Variants in SYT14 observed in about 807,000 individuals in gnomAD.
SYT14 encodes synaptotagmin-14.
In SYT14, 32 loss-of-function variants were observed where a neutral mutation model predicts 74.2. The observed-to-expected ratio is 0.43, with a 90% CI of 0.33 to 0.58. The LOEUF (loss-of-function observed/expected upper bound fraction) is 0.58. Ranked by LOEUF, SYT14 falls within the 20% of genes least tolerant of loss-of-function variation. SYT14 has a pLI of 0.05. For synonymous variants in SYT14, 298 were observed against 337.7 expected, an observed-to-expected ratio of 0.88 and a Z score of 1.29; for missense variants, 791 against 981.8, an observed-to-expected ratio of 0.81 and a Z score of 2.60.
At chr1:210,067,801 G>A (rs1045945544) in intron 5 of SYT14, among the ~76,000 whole-genome samples, 43 of 151,880 alleles carry the variant, frequency 2.8e-4, no homozygotes, top group African/African-American at 1.0e-3. Flanking sequence ...AGAAATGTGA[G>A]ATGTAAAGAT....
rs910262779 is a variant in SYT14, at chr1:210,127,984, C to T, written c.2034+27523C>T. ...GGAGGTTGCAGATTGTGCCCAATAT[C>T]GCGCCATTGCACTCCAGCCTGGGCA... On this transcript the variant is annotated intron_variant, in intron 7 of 9. Coordinates refer to ENST00000637265, the Ensembl canonical transcript of SYT14. Among the ~76,000 whole-genome samples the T allele has an allele frequency of 7.2e-5, 11 of 151,770 alleles. No individual in the cohort carries two copies. In the East Asian group the frequency reaches 9.8e-4, roughly 13 times the overall value.
At chr1:210,132,529 T>C (rs1391403161) in intron 7 of SYT14, among the ~76,000 whole-genome samples, 1 of 151,864 alleles carries the variant, frequency 6.6e-6, no homozygotes, top group Admixed American at 6.6e-5. Context: ...CCCTCGACAG[T>C]CCCTCTATAA....
chr1:210,094,475 G>C (rs1477365973), exon 6 of SYT14: 1 of 1,613,832 alleles, frequency 6.2e-7, no homozygotes, highest in African/African-American at 1.3e-5. Context: ...AACAGTCCAA[G>C]ATGCTCATAT....
intron 2 of SYT14, among the ~76,000 whole-genome samples, chr1:210,009,898 A>G (rs565383007): frequency 3.3e-5 from 5 of 152,262 alleles, no homozygotes; most frequent in South Asian, 2.1e-4. Flanking sequence ...CACTCAAACT[A>G]GAAACTTTAG....
chr1:210,095,683 G>A lies in SYT14; in HGVS notation c.1584+1090G>A, dbSNP rs878942876. Among the ~76,000 whole-genome samples the A allele has an allele frequency of 5.3e-5, 8 of 152,142 alleles. 1 individual carries two copies. Among genetic ancestry groups the A allele is most frequent in the Admixed American group, 5.2e-4 (8 of 15,260 alleles). On this transcript the variant is annotated intron_variant, in intron 6 of 9. Coordinates refer to ENST00000637265, the Ensembl canonical transcript of SYT14. ...CTGCCAAAATTAAATAATAGGTGTA[G>A]TTTCCTAATACCCAGAACAATTAAG...
At chr1:210,141,657 G>A (rs941367048) in intron 7 of SYT14, among the ~76,000 whole-genome samples, 1 of 152,196 alleles carries the variant, frequency 6.6e-6, no homozygotes, top group Non-Finnish European at 1.5e-5. Context: ...GTTAACATTA[G>A]TGGTCAGCTC....
At chr1:209,993,688 C>T (rs866015349) in intron 2 of SYT14, among the ~76,000 whole-genome samples, 6 of 152,082 alleles carry the variant, frequency 3.9e-5, no homozygotes, top group Admixed American at 6.5e-5. Context: ...AAAAGAAACT[C>T]AGGCATGGGC....
chr1:209,950,166 G>T (rs888764778), intron 1 of SYT14, among the ~76,000 whole-genome samples: 1 of 152,036 alleles, frequency 6.6e-6, no homozygotes, highest in African/African-American at 2.4e-5. Flanking sequence ...GCTTTAAAAA[G>T]TACAGCCTTT....
intron 7 of SYT14, among the ~76,000 whole-genome samples, chr1:210,136,948 A>G (rs2082799194): frequency 1.3e-5 from 2 of 152,174 alleles, no homozygotes; most frequent in Admixed American, 1.3e-4. Context: ...ATTCTTCACT[A>G]AAGGAGCAGG....
At chr1:210,000,361 G>A (rs568236473) in intron 2 of SYT14, among the ~76,000 whole-genome samples, 4 of 152,034 alleles carry the variant, frequency 2.6e-5, no homozygotes, top group Admixed American at 6.6e-5. Context: ...TGTAAAATAC[G>A]TGGGATAGTG....
chr1:210,110,916 G>A (rs1349047766), intron 7 of SYT14, among the ~76,000 whole-genome samples: 2 of 152,072 alleles, frequency 1.3e-5, no homozygotes, highest in African/African-American at 4.8e-5. Flanking sequence ...AGCTAACTTT[G>A]TATTTTTAGT....
At chr1:210,148,267 G>T (rs1033582330) in intron 7 of SYT14, among the ~76,000 whole-genome samples, 2 of 152,160 alleles carry the variant, frequency 1.3e-5, no homozygotes, top group African/African-American at 2.4e-5. Flanking sequence ...CCAGCACTTT[G>T]GGAGGCCGAG....
intron 7 of SYT14, among the ~76,000 whole-genome samples, chr1:210,141,650 A>G (rs2082916647): frequency 6.6e-6 from 1 of 152,178 alleles, no homozygotes; most frequent in Non-Finnish European, 1.5e-5. Flanking sequence ...CATCTCAGTT[A>G]ACATTAGTGG....
chr1:210,163,941 C>T (rs1379878670), exon 10 of SYT14: 1 of 452,904 alleles, frequency 2.2e-6, no homozygotes, highest in Admixed American at 2.4e-5. Context: ...TCATACAGTT[C>T]TATTAAAATC....
chr1:210,115,375 A>G (rs2082339152), intron 7 of SYT14, among the ~76,000 whole-genome samples: 1 of 149,228 alleles, frequency 6.7e-6, no homozygotes, highest in South Asian at 2.1e-4. Flanking sequence ...CTTGCCCCCC[A>G]GGAAAGTGGT....
intron 1 of SYT14, among the ~76,000 whole-genome samples, chr1:209,941,770 A>G (rs1326865782): frequency 2.6e-5 from 4 of 152,196 alleles, no homozygotes; most frequent in African/African-American, 4.8e-5. Flanking sequence ...TAGGTTTTGT[A>G]TAGTACCTGA....
chr1:210,083,020 A>T (rs895402435), intron 5 of SYT14, among the ~76,000 whole-genome samples: 1 of 150,804 alleles, frequency 6.6e-6, no homozygotes, highest in African/African-American at 2.4e-5. Context: ...TCACTCAGTC[A>T]CCCAAGCTGG....
At chr1:210,022,627 T>C (rs1393929887) in intron 5 of SYT14, among the ~76,000 whole-genome samples, 1 of 152,206 alleles carries the variant, frequency 6.6e-6, no homozygotes, top group African/African-American at 2.4e-5. Context: ...TTAGATTTCT[T>C]TCATTGTCTG....
At chr1:210,149,492 G>C (rs1383935192) in intron 7 of SYT14, among the ~76,000 whole-genome samples, 1 of 151,990 alleles carries the variant, frequency 6.6e-6, no homozygotes, top group Admixed American at 6.6e-5. Flanking sequence ...GCGGATCATA[G>C]CAGGGATTTT....
Sources: allele counts gnomAD v4.1 joint callset (sites outside exome capture counted in the v4.1 genomes callset), GRCh38; gene constraint gnomAD v4.1.1; transcripts MANE v1.5; gene names NCBI Gene and HGNC (gene_info 2026-07-23, HGNC 2026-07-21).